The following DNAJB6 variants were observed in gnomAD, a reference collection of about 807,000 sequenced individuals.
The protein encoded by DNAJB6 is dnaJ homolog subfamily B member 6.
A neutral mutation model predicts 42.7 loss-of-function variants in DNAJB6; 16 were observed. That is an observed-to-expected ratio of 0.37 (90% confidence interval 0.25 to 0.57). The LOEUF (loss-of-function observed/expected upper bound fraction) is 0.57. Ranked by LOEUF, DNAJB6 falls within the 20% of genes least tolerant of loss-of-function variation. The probability of loss-of-function intolerance (pLI) is 0.74; values close to 1 mark genes in which losing one functional copy is unlikely to be tolerated. For synonymous variants in DNAJB6, 170 were observed against 163.5 expected (o/e 1.04, Z -0.30); for missense variants, 347 against 416.8 (o/e 0.83, Z 1.46).
intron 1 of DNAJB6, among the ~76,000 whole-genome samples, chr7:157,342,758 T>C (rs767532125): frequency 6.6e-6 from 1 of 152,220 alleles, no homozygotes; most frequent in Non-Finnish European, 1.5e-5. Context: ...TGGCCTATTA[T>C]GATTTTTTAA....
At chr7:157,387,053 A>G (rs535244331) in intron 8 of DNAJB6, among the ~76,000 whole-genome samples, 65 of 152,354 alleles carry the variant, frequency 4.3e-4, no homozygotes, top group Non-Finnish European at 6.9e-4. Context: ...AACCGCTAGA[A>G]GGACAGGCGG....
At chr7:157,402,798 A>G (rs1318126487) in intron 8 of DNAJB6, among the ~76,000 whole-genome samples, 2 of 152,258 alleles carry the variant, frequency 1.3e-5, no homozygotes, top group Non-Finnish European at 2.9e-5. Context: ...TTTCCAGGGC[A>G]GGGTAAACCG....
At chr7:157,402,306 C>T (rs1241441586) in intron 8 of DNAJB6, among the ~76,000 whole-genome samples, 1 of 152,230 alleles carries the variant, frequency 6.6e-6, no homozygotes. Flanking sequence ...GGGAAGGCGC[C>T]TCTTCTTCCC....
At chr7:157,373,428 G>A (rs571779749) in intron 5 of DNAJB6, among the ~76,000 whole-genome samples, 1 of 152,044 alleles carries the variant, frequency 6.6e-6, no homozygotes, top group Non-Finnish European at 1.5e-5. Context: ...TCAGCTTACT[G>A]CAACTTCCGC....
intron 1 of DNAJB6, among the ~76,000 whole-genome samples, chr7:157,353,790 G>A (rs1799132633): frequency 6.6e-6 from 1 of 152,040 alleles, no homozygotes; most frequent in Non-Finnish European, 1.5e-5. Flanking sequence ...AGCCTCCTGA[G>A]TAGCTGGGAT....
intron 8 of DNAJB6, among the ~76,000 whole-genome samples, chr7:157,400,234 T>TCATGGACACGCTCGTG (rs1801783824): frequency 6.7e-6 from 1 of 149,804 alleles, no homozygotes; most frequent in African/African-American, 2.5e-5. Flanking sequence ...CCCCGCGCCT[T>TCATGGACACGCTCGTG]TGTGTATGTG....
chr7:157,377,418 CCAT>C (rs1800526800), intron 5 of DNAJB6, among the ~76,000 whole-genome samples: 1 of 152,154 alleles, frequency 6.6e-6, no homozygotes, highest in African/African-American at 2.4e-5. Flanking sequence ...GTTTGAAGAC[CCAT>C]TTAAAGATGC....
chr7:157,365,393 C>T (rs1031364417), intron 3 of DNAJB6, among the ~76,000 whole-genome samples: 1 of 152,244 alleles, frequency 6.6e-6, no homozygotes, highest in African/African-American at 2.4e-5. Context: ...ACACTAGCCC[C>T]AGGCCTTGCA....
intron 1 of DNAJB6, among the ~76,000 whole-genome samples, chr7:157,356,686 C>T (rs576378381): frequency 2.6e-5 from 4 of 152,240 alleles, no homozygotes; most frequent in South Asian, 2.1e-4. Flanking sequence ...ATGTATCCAG[C>T]AAAGCTGATA....
intron 1 of DNAJB6, among the ~76,000 whole-genome samples, chr7:157,346,663 A>C (rs1798704699): frequency 6.6e-6 from 1 of 152,214 alleles, no homozygotes. Context: ...TTAATAAAAA[A>C]ATTTGAATGC....
At chr7:157,360,186 G>A (rs1330374429) in intron 2 of DNAJB6, among the ~76,000 whole-genome samples, 2 of 152,222 alleles carry the variant, frequency 1.3e-5, no homozygotes, top group Non-Finnish European at 1.5e-5. Flanking sequence ...TGGCTGGGGA[G>A]GTCTTACAAT....
chr7:157,387,824 AACT>A (rs972551172), intron 8 of DNAJB6, among the ~76,000 whole-genome samples: 10 of 151,892 alleles, frequency 6.6e-5, no homozygotes, highest in South Asian at 2.1e-4. Flanking sequence ...TACTTGGGAA[AACT>A]ACTGTTTTGT....
chr7:157,411,865 C>G (rs1028403671), intron 9 of DNAJB6: 1 of 152,214 alleles, frequency 6.6e-6, no homozygotes, highest in African/African-American at 2.4e-5. Context: ...GTTCTCCCCA[C>G]GTATTCTCGG....
At chr7:157,411,211 TC>T in intron 9 of DNAJB6, 1 of 138,740 alleles carries the variant, frequency 7.2e-6, no homozygotes, top group East Asian at 2.3e-4. Flanking sequence ...TGGGGGAGGC[TC>T]CCCACGGTTC....
At chr7:157,369,225 A>G in intron 5 of DNAJB6, 1 of 454,768 alleles carries the variant, frequency 2.2e-6, no homozygotes, top group South Asian at 1.6e-5. Context: ...AACCATGTTT[A>G]CATCCGTCCT....
chr7:157,380,707 A>ATTTTT (rs1800718987), intron 5 of DNAJB6: 1 of 152,236 alleles, frequency 6.6e-6, no homozygotes, highest in Non-Finnish European at 1.5e-5. Flanking sequence ...CTTTTCCAAA[A>ATTTTT]AGTCACCAGT....
chr7:157,348,834 C>G (rs1448540921), intron 1 of DNAJB6, among the ~76,000 whole-genome samples: 1 of 152,140 alleles, frequency 6.6e-6, no homozygotes, highest in East Asian at 1.9e-4. Context: ...ACCCTACTAA[C>G]TTGCTGCGTC....
At chr7:157,397,909 G>A (rs548954000) in intron 8 of DNAJB6, among the ~76,000 whole-genome samples, 1 of 152,222 alleles carries the variant, frequency 6.6e-6, no homozygotes, top group Non-Finnish European at 1.5e-5. Context: ...CCAGCTACTC[G>A]GAAGGCTGAG....
intron 5 of DNAJB6, chr7:157,377,996 CTT>C (rs1264676700): frequency 6.6e-6 from 1 of 152,108 alleles, no homozygotes; most frequent in African/African-American, 2.4e-5. Flanking sequence ...TACGGGGTAA[CTT>C]AATAGGCAAT....
Sources: gnomAD v4.1 joint callset for allele counts (sites outside exome capture counted in the v4.1 genomes callset) on GRCh38, gnomAD v4.1.1 for gene constraint, MANE v1.5 for transcripts, NCBI Gene and HGNC (gene_info 2026-07-23, HGNC 2026-07-21) for gene names.